GABBR2: variants seen among roughly 807,000 people sequenced by gnomAD.
GABBR2 encodes the protein G-protein coupled receptor 51.
Under a neutral mutation model 105.6 loss-of-function variants are expected in GABBR2, and 23 were observed. The ratio of observed to expected loss-of-function variants is 0.22; its 90% CI spans 0.16 to 0.31. The LOEUF (loss-of-function observed/expected upper bound fraction) is 0.31. Ranked by LOEUF, GABBR2 falls within the 10% of genes least tolerant of loss-of-function variation. The probability of loss-of-function intolerance (pLI) is 1.00; values close to 1 mark genes in which losing one functional copy is unlikely to be tolerated. For synonymous variants in GABBR2, 478 were observed against 499.7 expected (o/e 0.96, Z 0.58); for missense variants, 734 against 1,245.5 (o/e 0.59, Z 6.18).
intron 7 of GABBR2, among the ~76,000 whole-genome samples, chr9:98,446,708 C>A (rs1313827124): frequency 1.3e-5 from 2 of 152,056 alleles, no homozygotes; most frequent in Admixed American, 1.3e-4. Context: ...TGCTCCCGGG[C>A]AGCAGACAAG....
intron 2 of GABBR2, among the ~76,000 whole-genome samples, chr9:98,560,721 C>T (rs1828662015): frequency 6.7e-6 from 1 of 148,868 alleles, no homozygotes; most frequent in Non-Finnish European, 1.5e-5. Flanking sequence ...GCTTTCCTCT[C>T]TCTCTTTTTA....
In GABBR2 at chr9:98,389,666, C is replaced by T. The variant is rs143596820; in HGVS notation, c.1379-662G>A. Among the ~76,000 whole-genome samples the T allele has an allele frequency of 4.5e-4, 69 of 152,304 alleles. No individual in the cohort carries two copies. In the East Asian group the frequency reaches 0.013, roughly 28 times the overall value. The stretch of plus-strand genomic sequence containing the variant: ...ATTTCTCTATGTGACTGCAGAGGTG[C>T]GCTGCTCATTCTTCAAGAGCACAAG... On this transcript the variant is annotated intron_variant, in intron 9 of 18. Coordinates refer to ENST00000259455, the MANE Select transcript of GABBR2 (RefSeq NM_005458.8).
intron 7 of GABBR2, among the ~76,000 whole-genome samples, chr9:98,447,661 G>A (rs1300579320): frequency 6.6e-6 from 1 of 151,952 alleles, no homozygotes; most frequent in Non-Finnish European, 1.5e-5. Flanking sequence ...AAATAAAGGT[G>A]GGTTTGAGCC....
intron 3 of GABBR2, among the ~76,000 whole-genome samples, chr9:98,526,774 A>G (rs991551543): frequency 3.3e-5 from 5 of 152,158 alleles, no homozygotes; most frequent in African/African-American, 1.2e-4. Context: ...TGATGACTAT[A>G]ATTTGTCACA....
At chr9:98,419,106 C>T (rs950118156) in intron 7 of GABBR2, among the ~76,000 whole-genome samples, 6 of 152,248 alleles carry the variant, frequency 3.9e-5, no homozygotes, top group African/African-American at 9.6e-5. Context: ...CCCGGGGGGG[C>T]GGTGGAGCAG....
At chr9:98,349,344 G>GTTTTTTTTTTTT (rs1564026872) in intron 13 of GABBR2, among the ~76,000 whole-genome samples, 5 of 105,504 alleles carry the variant, frequency 4.7e-5, no homozygotes, top group Non-Finnish European at 7.2e-5. Flanking sequence ...TTTTGTTGAA[G>GTTTTTTTTTTTT]TTTTGTTTTT....
intron 1 of GABBR2, among the ~76,000 whole-genome samples, chr9:98,662,719 C>T (rs768193778): frequency 5.9e-5 from 9 of 152,172 alleles, no homozygotes; most frequent in Non-Finnish European, 1.2e-4. Context: ...CCCAGGCCTG[C>T]AGTACTGACC....
At chr9:98,451,790 C>A (rs556260989) in intron 7 of GABBR2, among the ~76,000 whole-genome samples, 3 of 152,194 alleles carry the variant, frequency 2.0e-5, no homozygotes, top group Non-Finnish European at 2.9e-5. Context: ...CCTCCTTATC[C>A]AGCTTGCCAG....
chr9:98,494,958 T>C (rs993322325), intron 4 of GABBR2, among the ~76,000 whole-genome samples: 2 of 152,246 alleles, frequency 1.3e-5, no homozygotes, highest in African/African-American at 2.4e-5. Flanking sequence ...TGCCTCTGCA[T>C]GTGGCAGGAG....
At chr9:98,474,431 G>A (rs924751668) in intron 5 of GABBR2, among the ~76,000 whole-genome samples, 2 of 152,074 alleles carry the variant, frequency 1.3e-5, no homozygotes, top group Non-Finnish European at 2.9e-5. Flanking sequence ...ATCAAAATTG[G>A]GTTCAGAATA....
chr9:98,385,621 C>T lies in GABBR2; in HGVS notation c.1662+19G>A. The stretch of plus-strand genomic sequence containing the variant: ...GAAACTTTCTATCATATACCACTGG[C>T]TTATGCAGAATGACTTACGGTGCAA... On this transcript the variant is annotated intron_variant, in intron 11 of 18. Transcript: ENST00000259455. 6.2e-7 allele frequency: 1 copy of T among 1,609,828 alleles called. No homozygotes were observed. Among genetic ancestry groups the T allele is most frequent in the African/African-American group, 1.3e-5 (1 of 74,896 alleles).
chr9:98,577,228 A>ATGGATGGTTAGGC (rs769775744), intron 2 of GABBR2, among the ~76,000 whole-genome samples: 1 of 151,130 alleles, frequency 6.6e-6, no homozygotes, highest in African/African-American at 2.4e-5. Context: ...GGATGGATGG[A>ATGGATGGTTAGGC]GCAAAAAAGT....
intron 7 of GABBR2, among the ~76,000 whole-genome samples, chr9:98,438,683 T>C (rs939902078): frequency 6.6e-6 from 1 of 152,204 alleles, no homozygotes; most frequent in Non-Finnish European, 1.5e-5. Context: ...TTGACTCTGC[T>C]CTGTTCAGTG....
At position 98,666,920 on chromosome 9, in the gene GABBR2, G is replaced by A. The variant is rs1440985979; in HGVS notation, c.321+41497C>T. ...GATCCTGGTCATCAAGAGGGGCAGG[G>A]CTGCTCTTAGGTGATGGGGGCCTGG... is the stretch of plus-strand genomic sequence containing the variant. On this transcript the variant is annotated intron_variant, in intron 1 of 18. Transcript: ENST00000259455. 2.6e-5 allele frequency among the ~76,000 whole-genome samples: 4 copies of A among 152,200 alleles called. No homozygotes were observed. In the East Asian group the frequency reaches 5.8e-4, roughly 22 times the overall value.
intron 1 of GABBR2, among the ~76,000 whole-genome samples, chr9:98,597,204 T>C (rs962576007): frequency 2.6e-5 from 4 of 152,188 alleles, no homozygotes; most frequent in Non-Finnish European, 5.9e-5. Flanking sequence ...ATTCCATACA[T>C]GTTGCTCTAA....
At chr9:98,317,654 A>G (rs568896376) in intron 13 of GABBR2, among the ~76,000 whole-genome samples, 16 of 152,226 alleles carry the variant, frequency 1.1e-4, no homozygotes, top group African/African-American at 3.9e-4. Flanking sequence ...TCATGACTGT[A>G]TTTGTCCTAC....
chr9:98,431,764 C>T (rs1825813128), intron 7 of GABBR2, among the ~76,000 whole-genome samples: 2 of 152,072 alleles, frequency 1.3e-5, no homozygotes, highest in African/African-American at 2.4e-5. Flanking sequence ...GGTGCAATCT[C>T]ATCTCACTGC....
chr9:98,497,829 T>C (rs1419058206), intron 3 of GABBR2, among the ~76,000 whole-genome samples: 12 of 152,078 alleles, frequency 7.9e-5, no homozygotes, highest in Non-Finnish European at 2.9e-5. Context: ...TAGCAGCCCC[T>C]CAAAAAAATA....
chr9:98,582,637 T>TTCATTGTTAA (rs1280710403), intron 1 of GABBR2, among the ~76,000 whole-genome samples: 1 of 152,342 alleles, frequency 6.6e-6, no homozygotes, highest in East Asian at 1.9e-4. Context: ...TGACACAGTA[T>TTCATTGTTAA]GGTTTTCCTT....
Sources: allele counts gnomAD v4.1 joint callset (sites outside exome capture counted in the v4.1 genomes callset), GRCh38; gene constraint gnomAD v4.1.1; transcripts MANE v1.5; gene names NCBI Gene and HGNC (gene_info 2026-07-23, HGNC 2026-07-21).